Variants in RALYL observed in about 807,000 individuals in gnomAD.
RALYL encodes the protein RNA-binding Raly-like protein.
RALYL carries 29 observed loss-of-function variants against 35.1 expected under a neutral mutation model. The ratio of observed to expected loss-of-function variants is 0.83; its 90% confidence interval spans 0.61 to 1.13. The LOEUF (loss-of-function observed/expected upper bound fraction) is 1.13. Ranked by LOEUF, RALYL falls within the 50% of genes most tolerant of loss-of-function variation. The pLI is 0.00. For synonymous variants in RALYL, 120 were observed against 127.6 expected (o/e 0.94, Z 0.40); for missense variants, 359 against 360.4 (o/e 1.00, Z 0.03).
At chr8:84,215,852 G>A (rs979907085) in intron 1 of RALYL, among the ~76,000 whole-genome samples, 8 of 152,048 alleles carry the variant, frequency 5.3e-5, no homozygotes, top group African/African-American at 9.7e-5. Context: ...TAAGTAATGC[G>A]TACGCATGGC....
At chr8:84,874,317 T>C (rs1461807039) in intron 7 of RALYL, among the ~76,000 whole-genome samples, 1 of 152,140 alleles carries the variant, frequency 6.6e-6, no homozygotes, top group Non-Finnish European at 1.5e-5. Flanking sequence ...CCTTGATAAA[T>C]CCAACCTCTT....
chr8:84,432,733 T>C (rs1038143138), intron 1 of RALYL, among the ~76,000 whole-genome samples: 1 of 152,066 alleles, frequency 6.6e-6, no homozygotes. Flanking sequence ...CAAAGGAAGA[T>C]GCCACGTGAT....
intron 1 of RALYL, among the ~76,000 whole-genome samples, chr8:84,318,271 C>T (rs1844146034): frequency 6.6e-6 from 1 of 152,178 alleles, no homozygotes; most frequent in African/African-American, 2.4e-5. Context: ...TTGTCCTCCA[C>T]CCAGTGCCCT....
intron 2 of RALYL, among the ~76,000 whole-genome samples, chr8:84,669,478 C>T (rs1380749894): frequency 2.6e-4 from 4 of 15,126 alleles, no homozygotes; most frequent in African/African-American, 8.7e-4. Flanking sequence ...ACATCTTCTC[C>T]CTCCCCCCTC....
At chr8:84,540,433 T>C (rs1306688597) in intron 2 of RALYL, among the ~76,000 whole-genome samples, 1 of 152,022 alleles carries the variant, frequency 6.6e-6, no homozygotes, top group African/African-American at 2.4e-5. Flanking sequence ...TTATCAAGTA[T>C]ATTTCATGCA....
At chr8:84,403,522 C>CTTTTTTTTTTTTTTTTTTTTTTTTTT (rs2043136000) in intron 1 of RALYL, among the ~76,000 whole-genome samples, 1 of 52,118 alleles carries the variant, frequency 1.9e-5, no homozygotes. Flanking sequence ...GTCTATATCT[C>CTTTTTTTTTTTTTTTTTTTTTTTTTT]TGTTTTTTTT....
At chr8:84,428,849 T>C (rs1387485664) in intron 1 of RALYL, among the ~76,000 whole-genome samples, 1 of 152,176 alleles carries the variant, frequency 6.6e-6, no homozygotes, top group East Asian at 1.9e-4. Flanking sequence ...GTGAAGTATA[T>C]TGTGTGAGTT....
intron 4 of RALYL, among the ~76,000 whole-genome samples, chr8:84,814,091 G>GTT (rs1454055746): frequency 6.6e-6 from 1 of 152,074 alleles, no homozygotes; most frequent in African/African-American, 2.4e-5. Context: ...TCAGGTTCTT[G>GTT]TTTGTGAAAT....
chr8:84,868,312 C>T (rs996477822), intron 6 of RALYL, among the ~76,000 whole-genome samples: 94 of 152,172 alleles, frequency 6.2e-4, no homozygotes, highest in African/African-American at 2.2e-3. Context: ...CCCACCTCAG[C>T]CTCCTGAAGA....
intron 8 of RALYL, among the ~76,000 whole-genome samples, chr8:84,905,424 T>G (rs962880786): frequency 1.3e-5 from 2 of 152,158 alleles, no homozygotes; most frequent in African/African-American, 4.8e-5. Context: ...TTCAATTTCT[T>G]TGGATAAACA....
intron 1 of RALYL, among the ~76,000 whole-genome samples, chr8:84,525,456 C>T (rs1298086195): frequency 6.6e-6 from 1 of 151,722 alleles, no homozygotes; most frequent in Non-Finnish European, 1.5e-5. Context: ...TATGATGTGT[C>T]TGGTGTGGTT....
chr8:84,799,264 A>T (rs1170442319), intron 3 of RALYL, among the ~76,000 whole-genome samples: 1 of 152,220 alleles, frequency 6.6e-6, no homozygotes, highest in Non-Finnish European at 1.5e-5. Context: ...ACAGAGTGCT[A>T]TGAAAATAGT....
chr8:84,273,804 AAT>A (rs1461448584), intron 1 of RALYL, among the ~76,000 whole-genome samples: 1 of 152,188 alleles, frequency 6.6e-6, no homozygotes, highest in Non-Finnish European at 1.5e-5. Flanking sequence ...GGCAGGAGGA[AAT>A]ATATTTTGTC....
In RALYL at chr8:84,306,713, C is replaced by T. The variant is rs34273958; in HGVS notation, c.-24+122289C>T. ...GATCCTTTCAGAAGTGGCCACTCAG[C>T]CCAAAGATGTGAGGATAAAGGGATT... On this transcript the variant is annotated intron_variant, in intron 1 of 8. Transcript: ENST00000521268. Among the ~76,000 whole-genome samples, 651 of 152,194 alleles carry T rather than the reference C, an allele frequency of 4.3e-3. 2 individuals are homozygous for T. The highest frequency in any genetic ancestry group is 7.0e-3 in the Non-Finnish European group (479 of 68,022).
At chr8:84,643,226 A>G (rs1826771842) in intron 2 of RALYL, among the ~76,000 whole-genome samples, 1 of 151,908 alleles carries the variant, frequency 6.6e-6, no homozygotes, top group Non-Finnish European at 1.5e-5. Flanking sequence ...TGAACCAACC[A>G]AAACCCCAAG....
At chr8:84,569,187 C>T (rs1298912840) in intron 2 of RALYL, among the ~76,000 whole-genome samples, 1 of 151,868 alleles carries the variant, frequency 6.6e-6, no homozygotes, top group Admixed American at 6.6e-5. Context: ...TTAGGTCTAA[C>T]ATGTAAGTCT....
Position 84,388,403 on chromosome 8 carries a change from C to G in RALYL, c.-23-140896C>G, listed in dbSNP as rs1302534330. On this transcript the variant is annotated intron_variant, in intron 1 of 8. Transcript: ENST00000521268. The stretch of plus-strand genomic sequence containing the variant: ...AAATGGTATTTGTAGTTCTAGATCC[C>G]TGAGGAATCGCCACACTGACTTCCA... Among the ~76,000 whole-genome samples, 7 of 152,226 alleles carry G rather than the reference C, an allele frequency of 4.6e-5. No homozygotes were observed. The South Asian group carries it at 1.4e-3, about 32-fold the overall frequency.
chr8:84,868,105 G>T (rs979305616), intron 6 of RALYL, among the ~76,000 whole-genome samples: 10 of 152,168 alleles, frequency 6.6e-5, no homozygotes, highest in African/African-American at 1.9e-4. Context: ...TGGGCAGTGG[G>T]GGGTAGGAGG....
chr8:84,550,817 G>A (rs2060668184), intron 2 of RALYL, among the ~76,000 whole-genome samples: 2 of 151,740 alleles, frequency 1.3e-5, no homozygotes, highest in Non-Finnish European at 2.9e-5. Context: ...ATTTCTTAGT[G>A]AATTTTTACC....
Sources: gnomAD v4.1 joint callset for allele counts (sites outside exome capture counted in the v4.1 genomes callset) on GRCh38, gnomAD v4.1.1 for gene constraint, MANE v1.5 for transcripts, NCBI Gene and HGNC (gene_info 2026-07-23, HGNC 2026-07-21) for gene names.